The following HCN1 variants were observed in gnomAD, a reference collection of about 807,000 sequenced individuals.
HCN1 encodes potassium/sodium hyperpolarization-activated cyclic nucleotide-gated channel 1.
A neutral mutation model predicts 78.9 loss-of-function variants in HCN1; 13 were observed. The ratio of observed to expected loss-of-function variants is 0.16; its 90% CI spans 0.11 to 0.26. The LOEUF is 0.26. Ranked by LOEUF, HCN1 falls within the 10% of genes least tolerant of loss-of-function variation. The pLI is 1.00. For synonymous variants in HCN1, 552 were observed against 455.5 expected (o/e 1.21, Z -2.70); for missense variants, 810 against 1,154.3 (o/e 0.70, Z 4.32).
At position 45,310,830 on chromosome 5, in the gene HCN1, G is replaced by A. The variant is rs558250456; in HGVS notation, c.1378-6991C>T. 7.2e-5 allele frequency among the ~76,000 whole-genome samples: 11 copies of A among 152,248 alleles called. No homozygotes were observed. The East Asian group carries it at 1.5e-3, about 21-fold the overall frequency. On this transcript the variant is annotated intron_variant, in intron 5 of 7. Transcript: ENST00000303230. ...AATATATAGCATGGAATACTATGCAGCCATAAAAAAGAATGAGATCATGTC... is the reference window on the plus strand; with the variant it reads ...AATATATAGCATGGAATACTATGCAACCATAAAAAAGAATGAGATCATGTC...
At chr5:45,341,219 C>T (rs1746573463) in intron 5 of HCN1, among the ~76,000 whole-genome samples, 1 of 152,168 alleles carries the variant, frequency 6.6e-6, no homozygotes, top group Non-Finnish European at 1.5e-5. Context: ...AAGCCCATAA[C>T]AGCAGATCAT....
rs142094762 is a variant in HCN1 at position 45,316,408 on chromosome 5, G to A, written c.1378-12569C>T. Among the ~76,000 whole-genome samples, 484 of 152,150 alleles carry A rather than the reference G, an allele frequency of 3.2e-3. 1 individual carries two copies. The highest frequency in any genetic ancestry group is 0.015 in the South Asian group (72 of 4,816). ...TCAATAAATTAAGTACTGATGGGACGTATTTCAAAATAATAAGAGCTACTT... is the reference window on the plus strand; with the variant it reads ...TCAATAAATTAAGTACTGATGGGACATATTTCAAAATAATAAGAGCTACTT... On this transcript the variant is annotated intron_variant, in intron 5 of 7. Transcript: ENST00000303230.
At chr5:45,497,142 T>C (rs1742054250) in intron 2 of HCN1, among the ~76,000 whole-genome samples, 3 of 152,320 alleles carry the variant, frequency 2.0e-5, no homozygotes, top group African/African-American at 7.2e-5. Flanking sequence ...AATTTTGGAA[T>C]AAGTGTGGTG....
chr5:45,683,884 T>C (rs1240732191), intron 1 of HCN1, among the ~76,000 whole-genome samples: 2 of 152,048 alleles, frequency 1.3e-5, no homozygotes, highest in Non-Finnish European at 2.9e-5. Flanking sequence ...TTGCCCAGGC[T>C]GGTCTGAAAC....
chr5:45,301,712 C>A (rs1236642765), intron 6 of HCN1, among the ~76,000 whole-genome samples: 2 of 143,116 alleles, frequency 1.4e-5, no homozygotes, highest in African/African-American at 2.6e-5. Context: ...CAGAGAGATA[C>A]CCTGTCATTT....
intron 2 of HCN1, among the ~76,000 whole-genome samples, chr5:45,536,004 G>GT (rs975868989): frequency 8.5e-5 from 13 of 152,112 alleles, no homozygotes; most frequent in African/African-American, 2.6e-4. Flanking sequence ...TTTGGTTGTT[G>GT]TTTTTTAGTT....
intron 5 of HCN1, among the ~76,000 whole-genome samples, chr5:45,342,783 A>G (rs1746613433): frequency 6.6e-6 from 1 of 152,212 alleles, no homozygotes; most frequent in Non-Finnish European, 1.5e-5. Flanking sequence ...TAGTTGGAAT[A>G]CAAATACTTG....
At chr5:45,686,856 T>G (rs549204854) in intron 1 of HCN1, among the ~76,000 whole-genome samples, 12 of 152,324 alleles carry the variant, frequency 7.9e-5, no homozygotes, top group African/African-American at 2.9e-4. Flanking sequence ...CTAGCTATTT[T>G]GGAGTACTCC....
intron 3 of HCN1, among the ~76,000 whole-genome samples, chr5:45,429,833 C>A (rs939414171): frequency 6.6e-6 from 1 of 151,922 alleles, no homozygotes; most frequent in African/African-American, 2.4e-5. Context: ...TGACAGTGAG[C>A]CTGGAGATGA....
At chr5:45,302,448 G>A (rs1402108703) in intron 6 of HCN1, among the ~76,000 whole-genome samples, 1 of 151,984 alleles carries the variant, frequency 6.6e-6, no homozygotes, top group East Asian at 1.9e-4. Flanking sequence ...TTACAGTAGT[G>A]TGAAAATGGA....
At chr5:45,626,568 T>A (rs2112004372) in intron 2 of HCN1, among the ~76,000 whole-genome samples, 1 of 152,278 alleles carries the variant, frequency 6.6e-6, no homozygotes, top group African/African-American at 2.4e-5. Context: ...CAACTTTAGC[T>A]AAAGGTGTTC....
At chr5:45,638,887 A>G (rs1745404119) in intron 2 of HCN1, among the ~76,000 whole-genome samples, 1 of 152,188 alleles carries the variant, frequency 6.6e-6, no homozygotes, top group Non-Finnish European at 1.5e-5. Flanking sequence ...TGGGCGACAT[A>G]GCAGTTGCCT....
chr5:45,647,766 A>C (rs1745579978), intron 1 of HCN1, among the ~76,000 whole-genome samples: 1 of 152,132 alleles, frequency 6.6e-6, no homozygotes, highest in Non-Finnish European at 1.5e-5. Context: ...CAGGGAATGG[A>C]ATAACTCTAT....
chr5:45,419,489 A>G (rs1231785530), intron 3 of HCN1, among the ~76,000 whole-genome samples: 3 of 152,214 alleles, frequency 2.0e-5, no homozygotes, highest in Non-Finnish European at 2.9e-5. Flanking sequence ...TATTATACTA[A>G]TAAGACAGTG....
intron 2 of HCN1, among the ~76,000 whole-genome samples, chr5:45,541,253 GA>G (rs1160935495): frequency 4.6e-5 from 7 of 151,828 alleles, no homozygotes; most frequent in East Asian, 1.9e-4. Context: ...TCCTAATTCT[GA>G]AAAAAAATGC....
At chr5:45,307,297 C>A (rs1291230712) in intron 5 of HCN1, among the ~76,000 whole-genome samples, 1 of 152,098 alleles carries the variant, frequency 6.6e-6, no homozygotes, top group Non-Finnish European at 1.5e-5. Context: ...TATAAGCACT[C>A]CTGCCTCAAA....
At chr5:45,416,089 C>T (rs1451286747) in intron 3 of HCN1, among the ~76,000 whole-genome samples, 3 of 151,914 alleles carry the variant, frequency 2.0e-5, no homozygotes, top group Non-Finnish European at 4.4e-5. Context: ...GTAGTCTGAT[C>T]AACTGTTCTC....
intron 5 of HCN1, among the ~76,000 whole-genome samples, chr5:45,333,258 A>G (rs1746382497): frequency 6.6e-6 from 1 of 151,826 alleles, no homozygotes; most frequent in African/African-American, 2.4e-5. Flanking sequence ...ACATCTTTTC[A>G]TATGCCCGTT....
chr5:45,522,658 C>A (rs1409015850), intron 2 of HCN1, among the ~76,000 whole-genome samples: 1 of 146,378 alleles, frequency 6.8e-6, no homozygotes, highest in African/African-American at 2.5e-5. Context: ...TTTTATTTTG[C>A]ACTAATAAAA....
Sources: allele counts gnomAD v4.1 joint callset (sites outside exome capture counted in the v4.1 genomes callset), GRCh38; gene constraint gnomAD v4.1.1; transcripts MANE v1.5; gene names NCBI Gene and HGNC (gene_info 2026-07-23, HGNC 2026-07-21).